SPACA7: variants seen among roughly 807,000 people sequenced by gnomAD.
SPACA7 encodes sperm acrosome-associated protein 7.
A neutral mutation model predicts 26.3 loss-of-function variants in SPACA7; 19 were observed. The ratio of observed to expected loss-of-function variants is 0.72; its 90% confidence interval spans 0.50 to 1.06. The LOEUF is 1.06. Ranked by LOEUF, SPACA7 falls within the 50% of genes least tolerant of loss-of-function variation. The probability of loss-of-function intolerance (pLI) is 0.00; values close to 1 mark genes in which losing one functional copy is unlikely to be tolerated. For synonymous variants in SPACA7, 84 were observed against 84.5 expected, an observed-to-expected ratio of 0.99 and a Z score of 0.04; for missense variants, 211 against 229.9, an observed-to-expected ratio of 0.92 and a Z score of 0.53.
chr13:112,420,019 A>G (rs1886918807), intron 5 of SPACA7, among the ~76,000 whole-genome samples: 1 of 152,246 alleles, frequency 6.6e-6, no homozygotes, highest in Non-Finnish European at 1.5e-5. Flanking sequence ...TCTTCGGTGC[A>G]TTGAAGATGT....
chr13:112,381,037 GTC>G (rs1237291401), intron 1 of SPACA7, among the ~76,000 whole-genome samples: 1 of 148,904 alleles, frequency 6.7e-6, no homozygotes, highest in African/African-American at 2.5e-5. Flanking sequence ...AATACATTTA[GTC>G]TCTCTGTATC....
At chr13:112,424,558 C>T (rs1405506926) in intron 5 of SPACA7, among the ~76,000 whole-genome samples, 1 of 152,270 alleles carries the variant, frequency 6.6e-6, no homozygotes, top group African/African-American at 2.4e-5. Context: ...TCCTGAAATT[C>T]GAACCCTGCT....
chr13:112,423,712 G>C (rs1876229907), intron 5 of SPACA7, among the ~76,000 whole-genome samples: 1 of 152,228 alleles, frequency 6.6e-6, no homozygotes, highest in Admixed American at 6.5e-5. Flanking sequence ...AGGAATCACA[G>C]TATGTTCTAA....
intron 5 of SPACA7, among the ~76,000 whole-genome samples, chr13:112,420,968 T>G (rs1220741616): frequency 6.6e-6 from 1 of 152,138 alleles, no homozygotes; most frequent in African/African-American, 2.4e-5. Context: ...CAGAATTCTA[T>G]TCTCAGAGAA....
intron 3 of SPACA7, 98 bp from the exon 4 acceptor site, chr13:112,398,968 C>A: frequency 1.4e-6 from 1 of 740,586 alleles, no homozygotes. Flanking sequence ...TATTAACATC[C>A]CAACCTTATA....
At chr13:112,424,875 C>T (rs1276677516) in intron 5 of SPACA7, among the ~76,000 whole-genome samples, 1 of 152,124 alleles carries the variant, frequency 6.6e-6, no homozygotes, top group Non-Finnish European at 1.5e-5. Context: ...TCCATATCCC[C>T]CCATGGGAAC....
chr13:112,401,836 T>C (rs115895018), intron 5 of SPACA7, among the ~76,000 whole-genome samples: 2,084 of 152,308 alleles, frequency 0.014, 44 homozygotes, highest in African/African-American at 0.048. Flanking sequence ...ACCATTTTTT[T>C]AAAAGTCCAT....
At chr13:112,396,367 A>G (rs1443453217) in intron 2 of SPACA7, among the ~76,000 whole-genome samples, 1 of 152,094 alleles carries the variant, frequency 6.6e-6, no homozygotes, top group Non-Finnish European at 1.5e-5. Flanking sequence ...GGTCAGCTGA[A>G]TCCTATCCTC....
At position 112,434,520 on chromosome 13, in the gene SPACA7, G is replaced by C. The variant is rs766125009; in HGVS notation, c.559G>C (p.Ala187Pro). Residue 187 changes from alanine to proline, a missense_variant, in exon 7 of 7, where the codon GCA (alanine) becomes CCA (proline). Ala to Pro is a conservative substitution (Grantham distance 27). Coordinates refer to ENST00000283550, the MANE Select transcript of SPACA7 (RefSeq NM_145248.5). ...CCATAAAGAGCAGCAGAGGACCAGCGCACAGAGGAGGAGCCAAGGCAGTCA... is the reference window on the plus strand; with the variant it reads ...CCATAAAGAGCAGCAGAGGACCAGCCCACAGAGGAGGAGCCAAGGCAGTCA... ...IFHKEQQRTS[A>P]QRRSQGSQ The C allele has an allele frequency of 1.2e-6, 2 of 1,610,224 alleles. No individual in the cohort carries two copies. Among genetic ancestry groups the C allele is most frequent in the South Asian group, 2.2e-5 (2 of 90,172 alleles).
chr13:112,379,043 C>T lies in SPACA7; in HGVS notation c.94+2564C>T, dbSNP rs558943794. 2.8e-4 allele frequency among the ~76,000 whole-genome samples: 43 copies of T among 152,196 alleles called. No individual in the cohort carries two copies. The South Asian group carries it at 8.3e-3, about 29-fold the overall frequency. ...CCGTTATGCGTAGCCTAAGAGAAAC[C>T]GGAAGCAGAGAGTTCTTTAAATCTG... is the stretch of plus-strand genomic sequence containing the variant. On this transcript the variant is annotated intron_variant, in intron 1 of 6. Coordinates refer to ENST00000283550, the MANE Select transcript of SPACA7 (RefSeq NM_145248.5).
chr13:112,389,694 C>T (rs989593325), intron 1 of SPACA7, among the ~76,000 whole-genome samples: 1 of 152,170 alleles, frequency 6.6e-6, no homozygotes, highest in African/African-American at 2.4e-5. Flanking sequence ...CACATACAGA[C>T]AGACACATGA....
chr13:112,385,887 A>G (rs1245483873), intron 1 of SPACA7, among the ~76,000 whole-genome samples: 1 of 152,198 alleles, frequency 6.6e-6, no homozygotes, highest in Non-Finnish European at 1.5e-5. Flanking sequence ...AAGATTCAGC[A>G]CTTGTAAGAT....
chr13:112,405,385 T>C lies in SPACA7; in HGVS notation c.445+4221T>C, dbSNP rs1039649921. ...AATGTATTTCACAGATTCTCATGTA[T>C]AGTGTTTTCATTATTATTTTCCAGA... is the stretch of plus-strand genomic sequence containing the variant. On this transcript the variant is annotated intron_variant, in intron 5 of 6. Coordinates refer to ENST00000283550, the MANE Select transcript of SPACA7 (RefSeq NM_145248.5). 2.3e-4 allele frequency among the ~76,000 whole-genome samples: 35 copies of C among 152,162 alleles called. 1 individual carries two copies. Among genetic ancestry groups the C allele is most frequent in the Non-Finnish European group, 1.5e-5 (1 of 68,032 alleles).
intron 5 of SPACA7, among the ~76,000 whole-genome samples, chr13:112,418,626 A>C (rs1055909222): frequency 3.3e-5 from 5 of 152,218 alleles, no homozygotes; most frequent in African/African-American, 1.2e-4. Flanking sequence ...CTTGATGTAA[A>C]GAATGATTCC....
chr13:112,432,892 C>T (rs1280225690), intron 6 of SPACA7, among the ~76,000 whole-genome samples: 1 of 152,200 alleles, frequency 6.6e-6, no homozygotes, highest in African/African-American at 2.4e-5. Context: ...CAGGAAGGGC[C>T]CCCACATCCC....
At chr13:112,404,988 T>C (rs1358811054) in intron 5 of SPACA7, among the ~76,000 whole-genome samples, 2 of 146,230 alleles carry the variant, frequency 1.4e-5, no homozygotes, top group African/African-American at 5.1e-5. Context: ...CTTTTTTTTT[T>C]TTTTTTTTTT....
At chr13:112,409,764 G>C (rs1424589319) in intron 5 of SPACA7, among the ~76,000 whole-genome samples, 1 of 152,220 alleles carries the variant, frequency 6.6e-6, no homozygotes, top group African/African-American at 2.4e-5. Context: ...TTACACTGTT[G>C]TTGGGACTGT....
intron 1 of SPACA7, among the ~76,000 whole-genome samples, chr13:112,386,741 T>C (rs1328097135): frequency 6.6e-6 from 1 of 152,206 alleles, no homozygotes; most frequent in East Asian, 1.9e-4. Flanking sequence ...TTATCCACTT[T>C]TAATTAACCT....
intron 2 of SPACA7, among the ~76,000 whole-genome samples, chr13:112,393,965 A>G (rs2138922077): frequency 6.8e-6 from 1 of 146,422 alleles, no homozygotes; most frequent in Middle Eastern, 3.5e-3. Context: ...CTGCCTGGCA[A>G]CAGAGCGAGA....
Sources: gnomAD v4.1 joint callset for allele counts (sites outside exome capture counted in the v4.1 genomes callset) on GRCh38, gnomAD v4.1.1 for gene constraint, MANE v1.5 for transcripts, NCBI Gene and HGNC (gene_info 2026-07-23, HGNC 2026-07-21) for gene names.